CCDC71L: variants seen among roughly 807,000 people sequenced by gnomAD.
The protein encoded by CCDC71L is coiled-coil domain-containing protein 71L.
A neutral mutation model predicts 10.2 loss-of-function variants in CCDC71L; 6 were observed. The ratio of observed to expected loss-of-function variants is 0.59; its 90% CI spans 0.32 to 1.16. The LOEUF is 1.16. Among genes scored for constraint, CCDC71L ranks in the 50% most tolerant of loss-of-function variants. CCDC71L has a pLI of 0.05. For missense variants in CCDC71L, 366 were observed against 383.4 expected (o/e 0.95, Z 0.38); for synonymous variants, 204 against 175.5 (o/e 1.16, Z -1.28).
Position 106,660,990 on chromosome 7 carries a change from G to C in CCDC71L, c.-94C>G. On this transcript the variant is annotated 5_prime_UTR_variant, in exon 1 of 1. Transcript: ENST00000523505. The surrounding 1 kb of genome is among the most constrained non-coding windows in gnomAD (Gnocchi z 7.5). ...GGCTCCGCGGCGGCGGCTGCTGCTGGCGTCTCTCGCTACTTTTCTCGCCTC... is the reference window on the plus strand; with the variant it reads ...GGCTCCGCGGCGGCGGCTGCTGCTGCCGTCTCTCGCTACTTTTCTCGCCTC... 1 of 1,291,396 alleles carries C rather than the reference G, an allele frequency of 7.7e-7. No individual in the cohort carries two copies. The highest frequency in any genetic ancestry group is 1.6e-5 in the African/African-American group (1 of 64,260). 80.0% of individuals were successfully genotyped at this position (1,291,396 alleles called of 1,614,324 possible).
Position 106,654,920 on chromosome 7 carries a change from A to C in CCDC71L, c.*5269T>G, listed in dbSNP as rs190540040. On this transcript the variant is annotated 3_prime_UTR_variant, in exon 1 of 1. Coordinates refer to ENST00000523505, the MANE Select transcript of CCDC71L (RefSeq NM_175884.6). ...GAAAAAAATCCTTGAAAAGAGAAAT[A>C]TGTACACATTTTACAGTTAATTGTA... Among the ~76,000 whole-genome samples the C allele has an allele frequency of 3.2e-4, 48 of 152,212 alleles. No individual in the cohort carries two copies. The highest frequency in any genetic ancestry group is 9.4e-4 in the African/African-American group (39 of 41,542).
Position 106,656,468 on chromosome 7 carries a change from G to A in CCDC71L, c.*3721C>T, listed in dbSNP as rs897322944. ...ATCGTCACAGGGGCACCTCGGGTCA[G>A]GATTTAGAGAATTCTGAATTTTGAT... is the stretch of plus-strand genomic sequence containing the variant. On this transcript the variant is annotated 3_prime_UTR_variant, in exon 1 of 1. Coordinates refer to ENST00000523505, the MANE Select transcript of CCDC71L (RefSeq NM_175884.6). Among the ~76,000 whole-genome samples, 26 of 152,104 alleles carry A rather than the reference G, an allele frequency of 1.7e-4. No individual in the cohort carries two copies. Among genetic ancestry groups the A allele is most frequent in the African/African-American group, 5.1e-4 (21 of 41,504 alleles).
chr7:106,660,198 G>C lies in CCDC71L; in HGVS notation c.699C>G (p.Pro233=), dbSNP rs1208026088. 3 of 1,563,154 alleles carry C rather than the reference G, an allele frequency of 1.9e-6. No individual in the cohort carries two copies. The highest frequency in any genetic ancestry group is 2.6e-6 in the Non-Finnish European group (3 of 1,164,684). Residue 233 remains proline (P), a synonymous_variant, in exon 1 of 1, where the codon CCC becomes CCG. Transcript: ENST00000523505. The surrounding 1 kb of genome is among the most constrained non-coding windows in gnomAD (Gnocchi z 7.5). ...CCCTGGAGGCCGCACCTCATGCCCG[G>C]GGCACCGGGAAGCGGCGGAGCCTCA... ...PMVRLRRFPV[P]RA
rs142202607 is a variant in CCDC71L, at chr7:106,655,102, T to A, written c.*5087A>T. Among the ~76,000 whole-genome samples, 75 of 152,302 alleles carry A rather than the reference T, an allele frequency of 4.9e-4. No individual in the cohort carries two copies. The highest frequency in any genetic ancestry group is 1.8e-3 in the African/African-American group (75 of 41,584). The stretch of plus-strand genomic sequence containing the variant: ...TTACTTTCCAATTGGGCTTTAGATA[T>A]GTTTATTATGTTATAGATCATGGTT... On this transcript the variant is annotated 3_prime_UTR_variant, in exon 1 of 1. Coordinates refer to ENST00000523505, the MANE Select transcript of CCDC71L (RefSeq NM_175884.6).
rs530661978 is a variant in CCDC71L at position 106,658,303 on chromosome 7, G to C, written c.*1886C>G. On this transcript the variant is annotated 3_prime_UTR_variant, in exon 1 of 1. Coordinates refer to ENST00000523505, the MANE Select transcript of CCDC71L (RefSeq NM_175884.6). The stretch of plus-strand genomic sequence containing the variant: ...AGTGTTTGTACAATGCATTATCATT[G>C]AGTAGTGAATAAAAGACTGAGGCTT... The C allele has an allele frequency of 8.9e-4, 136 of 152,154 alleles. No homozygotes were observed. The highest frequency in any genetic ancestry group is 3.2e-3 in the African/African-American group (134 of 41,520). The allele number at this position is 152,154 out of a possible 1,614,324, so 9.4% of individuals were successfully genotyped here.
In CCDC71L at chr7:106,655,294, GCTTGTT is replaced by G. The variant is rs1157417541; in HGVS notation, c.*4889_*4894del. Among the ~76,000 whole-genome samples the G allele has an allele frequency of 6.6e-6, 1 of 152,058 alleles. No homozygotes were observed. The highest frequency in any genetic ancestry group is 1.5e-5 in the Non-Finnish European group (1 of 67,976). ...TCAACTTCAGATAACTGCAACTTTG[GCTTGTT>G]CACCAATTTAGAGGATGTTCTATTC... On this transcript the variant is annotated 3_prime_UTR_variant, in exon 1 of 1. Coordinates refer to ENST00000523505, the MANE Select transcript of CCDC71L (RefSeq NM_175884.6).
rs752583474 is a variant in CCDC71L at position 106,660,627 on chromosome 7, C to A, written c.270G>T (p.Pro90=). 29 of 1,589,510 alleles carry A rather than the reference C, an allele frequency of 1.8e-5. No individual in the cohort carries two copies. In the Admixed American group the frequency reaches 2.1e-4, roughly 12 times the overall value. Residue 90 remains proline, a synonymous_variant, in exon 1 of 1, where the codon CCG becomes CCT. Transcript: ENST00000523505. The surrounding 1 kb of genome is among the most constrained non-coding windows in gnomAD (Gnocchi z 7.5). ...FLCSLKHQFS[P]HILRSKDVYG... is the part of the protein sequence containing the mutation. ...AGACGTCCTTGCTGCGCAGGATGTG[C>A]GGGGAGAACTGGTGCTTGAGGCTGC...
Position 106,660,294 on chromosome 7 carries a change from C to T in CCDC71L, c.603G>A (p.Trp201Ter). ...FPTIRVGSDVWGERSLAAARR... is the reference protein window; with the variant it reads ...FPTIRVGSDV Reference sequence around the variant, plus strand: ...GCGCTGCCGCCAGGCTGCGCTCGCCCCACACGTCGCTGCCGACGCGGATGG... The same window carrying T: ...GCGCTGCCGCCAGGCTGCGCTCGCCTCACACGTCGCTGCCGACGCGGATGG... The change falls in exon 1 of 1, where the codon TGG becomes TGA. Residue 201 changes from tryptophan to a stop codon, truncating the protein, a stop_gained. Coordinates refer to ENST00000523505, the MANE Select transcript of CCDC71L (RefSeq NM_175884.6). LOFTEE classifies it high-confidence loss of function. This position sits in a 1 kb window ranked among gnomAD's most constrained non-coding sequence, Gnocchi z 7.5. 1 of 1,555,632 alleles carries T rather than the reference C, an allele frequency of 6.4e-7. No homozygotes were observed.
Position 106,660,972 on chromosome 7 carries a change from C to T in CCDC71L, c.-76G>A, listed in dbSNP as rs1361041914. 2 of 1,293,780 alleles carry T rather than the reference C, an allele frequency of 1.5e-6. No homozygotes were observed. The highest frequency in any genetic ancestry group is 2.0e-6 in the Non-Finnish European group (2 of 1,022,892). The allele number at this position is 1,293,780 out of a possible 1,614,324, so 80.1% of individuals were successfully genotyped here. On this transcript the variant is annotated 5_prime_UTR_variant, in exon 1 of 1. Transcript: ENST00000523505. This position sits in a 1 kb window ranked among gnomAD's most constrained non-coding sequence, Gnocchi z 7.5. ...GCCGTCCCAGTCCGCGTTGGCTCCG[C>T]GGCGGCGGCTGCTGCTGGCGTCTCT...
In CCDC71L at chr7:106,657,956, A is replaced by G. The variant is rs769317142; in HGVS notation, c.*2233T>C. ...TGGTGTGCTGAGCAGTTATCCTCCCAGTTAAGCCAAATTTCAAAATCCTCT... is the reference window on the plus strand; with the variant it reads ...TGGTGTGCTGAGCAGTTATCCTCCCGGTTAAGCCAAATTTCAAAATCCTCT... On this transcript the variant is annotated 3_prime_UTR_variant, in exon 1 of 1. Transcript: ENST00000523505. The G allele has an allele frequency of 5.3e-5, 8 of 152,214 alleles. No homozygotes were observed. The highest frequency in any genetic ancestry group is 1.2e-4 in the Non-Finnish European group (8 of 68,028). The allele number at this position is 152,214 out of a possible 1,614,324, so 9.4% of individuals were successfully genotyped here.
In CCDC71L at chr7:106,659,468, T is replaced by A. The variant is rs73184257; in HGVS notation, c.*721A>T. On this transcript the variant is annotated 3_prime_UTR_variant, in exon 1 of 1. Coordinates refer to ENST00000523505, the MANE Select transcript of CCDC71L (RefSeq NM_175884.6). ...ACCATTTTTAGGAGCTCAGTAAATA[T>A]AAACATTGTTTCAATACAAAACCTT... 1 of 152,776 alleles carries A rather than the reference T, an allele frequency of 6.5e-6. No homozygotes were observed. The highest frequency in any genetic ancestry group is 1.5e-5 in the Non-Finnish European group (1 of 68,028). The allele number at this position is 152,776 out of a possible 1,614,324, so 9.5% of individuals were successfully genotyped here.
In CCDC71L at chr7:106,660,960, G is replaced by A. The variant is rs527707149; in HGVS notation, c.-64C>T. On this transcript the variant is annotated 5_prime_UTR_variant, in exon 1 of 1. Transcript: ENST00000523505. The surrounding 1 kb of genome is among the most constrained non-coding windows in gnomAD (Gnocchi z 7.5). ...ACTACTGCCGCCGCCGTCCCAGTCC[G>A]CGTTGGCTCCGCGGCGGCGGCTGCT... The A allele has an allele frequency of 3.8e-6, 5 of 1,299,486 alleles. No individual in the cohort carries two copies. In the Admixed American group the frequency reaches 1.3e-4, roughly 33 times the overall value. 80.5% of individuals were successfully genotyped at this position (1,299,486 alleles called of 1,614,324 possible). A position where few individuals can be genotyped will look rare whatever the true frequency, so the allele number is the denominator to read the frequency against.
chr7:106,661,127 G>GC lies in CCDC71L; in HGVS notation c.-232dup, dbSNP rs1441692074. On this transcript the variant is annotated 5_prime_UTR_variant, in exon 1 of 1. Transcript: ENST00000523505. ...GGGCTTTGTCATTGGACGGCGCCTC[G>GC]CCCCCCTGGTTTCTCTTTCTTCTCC... is the stretch of plus-strand genomic sequence containing the variant. 5 of 478,996 alleles carry GC rather than the reference G, an allele frequency of 1.0e-5. No homozygotes were observed. The highest frequency in any genetic ancestry group is 4.6e-5 in the Admixed American group (1 of 21,814). The allele number at this position is 478,996 out of a possible 1,614,324, so 29.7% of individuals were successfully genotyped here.
At position 106,656,170 on chromosome 7, in the gene CCDC71L, C is replaced by G. The variant is rs1397218923; in HGVS notation, c.*4019G>C. ...GTCACAAAGGTATGCATAATAATTC[C>G]ACCCCAGGCACTGTGACTCCACAAC... On this transcript the variant is annotated 3_prime_UTR_variant, in exon 1 of 1. Transcript: ENST00000523505. Among the ~76,000 whole-genome samples the G allele has an allele frequency of 6.6e-6, 1 of 152,106 alleles. No individual in the cohort carries two copies. The highest frequency in any genetic ancestry group is 1.5e-5 in the Non-Finnish European group (1 of 68,008).
Position 106,661,140 on chromosome 7 carries a change from CTCTT to C in CCDC71L, c.-248_-245del. 2.2e-6 allele frequency: 1 copy of C among 445,024 alleles called. No homozygotes were observed. Among genetic ancestry groups the C allele is most frequent in the East Asian group, 3.9e-5 (1 of 25,438 alleles). The allele number at this position is 445,024 out of a possible 1,614,324, so 27.6% of individuals were successfully genotyped here. A position where few individuals can be genotyped will look rare whatever the true frequency, so the allele number is the denominator to read the frequency against. On this transcript the variant is annotated 5_prime_UTR_variant, in exon 1 of 1. Transcript: ENST00000523505. ...GGACGGCGCCTCGCCCCCCTGGTTT[CTCTT>C]TCTTCTCCTCTCTTGCCTCTTTTCG...
chr7:106,660,883 A>C lies in CCDC71L; in HGVS notation c.14T>G (p.Met5Arg). ...CGGGCGCCGGCGCCGCCGCCTCTTCATACTGCGCCGCATCGAAGGCCGCTC... is the reference window on the plus strand; with the variant it reads ...CGGGCGCCGGCGCCGCCGCCTCTTCCTACTGCGCCGCATCGAAGGCCGCTC... MRRS[M>R]KRRRRRRPVA... Residue 5 changes from methionine (M) to arginine (R), a missense_variant, in exon 1 of 1, where the codon ATG becomes AGG. Coordinates refer to ENST00000523505, the MANE Select transcript of CCDC71L (RefSeq NM_175884.6). This position sits in a 1 kb window ranked among gnomAD's most constrained non-coding sequence, Gnocchi z 7.5. 1 of 1,433,462 alleles carries C rather than the reference A, an allele frequency of 7.0e-7. No homozygotes were observed. Among genetic ancestry groups the C allele is most frequent in the Non-Finnish European group, 9.1e-7 (1 of 1,100,898 alleles). 88.8% of individuals were successfully genotyped at this position (1,433,462 alleles called of 1,614,324 possible).
rs977061167 is a variant in CCDC71L at position 106,658,988 on chromosome 7, C to G, written c.*1201G>C. 1 of 152,070 alleles carries G rather than the reference C, an allele frequency of 6.6e-6. No individual in the cohort carries two copies. Among genetic ancestry groups the G allele is most frequent in the Non-Finnish European group, 1.5e-5 (1 of 68,008 alleles). The allele number at this position is 152,070 out of a possible 1,614,324, so 9.4% of individuals were successfully genotyped here. A position where few individuals can be genotyped will look rare whatever the true frequency, so the allele number is the denominator to read the frequency against. ...TATTAGTCTAGACATTTCTTGTTAT[C>G]CAACAACAAAAACAAAAAGGAAATA... On this transcript the variant is annotated 3_prime_UTR_variant, in exon 1 of 1. Transcript: ENST00000523505.
Position 106,660,975 on chromosome 7 carries a change from C to CGGCG in CCDC71L, c.-83_-80dup. 1 of 1,294,880 alleles carries CGGCG rather than the reference C, an allele frequency of 7.7e-7. No homozygotes were observed. Among genetic ancestry groups the CGGCG allele is most frequent in the Non-Finnish European group, 9.8e-7 (1 of 1,023,688 alleles). 80.2% of individuals were successfully genotyped at this position (1,294,880 alleles called of 1,614,324 possible). ...GTCCCAGTCCGCGTTGGCTCCGCGG[C>CGGCG]GGCGGCTGCTGCTGGCGTCTCTCGC... On this transcript the variant is annotated 5_prime_UTR_variant, in exon 1 of 1. Coordinates refer to ENST00000523505, the MANE Select transcript of CCDC71L (RefSeq NM_175884.6). The surrounding 1 kb of genome is among the most constrained non-coding windows in gnomAD (Gnocchi z 7.5).
At position 106,658,910 on chromosome 7, in the gene CCDC71L, AAAAAATCAACT is replaced by A. The variant is rs1325397297; in HGVS notation, c.*1268_*1278del. The A allele has an allele frequency of 2.0e-5, 3 of 152,474 alleles. No homozygotes were observed. Among genetic ancestry groups the A allele is most frequent in the Admixed American group, 6.5e-5 (1 of 15,284 alleles). The allele number at this position is 152,474 out of a possible 1,614,324, so 9.4% of individuals were successfully genotyped here. On this transcript the variant is annotated 3_prime_UTR_variant, in exon 1 of 1. Coordinates refer to ENST00000523505, the MANE Select transcript of CCDC71L (RefSeq NM_175884.6). ...AAAGGTTAAAAAAAATGTTGGGACA[AAAAAATCAACT>A]AAAAATCAACTAATTTTCATTATGT...
Sources: gnomAD v4.1 joint callset for allele counts (sites outside exome capture counted in the v4.1 genomes callset) on GRCh38, gnomAD v4.1.1 for gene constraint, Gnocchi (gnomAD v3.1) non-coding constraint, MANE v1.5 for transcripts, NCBI Gene and HGNC (gene_info 2026-07-23, HGNC 2026-07-21) for gene names.